The following LYPD2 variants were observed in gnomAD, a reference collection of about 807,000 sequenced individuals.
The protein encoded by LYPD2 is LY6/PLAUR domain containing 2.
Under a neutral mutation model 7.1 loss-of-function variants are expected in LYPD2, and 5 were observed. The ratio of observed to expected loss-of-function variants is 0.70; its 90% CI spans 0.37 to 1.48. The LOEUF (loss-of-function observed/expected upper bound fraction) is 1.48, where lower values mean the gene tolerates loss of function less well. LYPD2 is among the 40% of genes most tolerant of loss of function. The probability of loss-of-function intolerance (pLI) is 0.03; values close to 1 mark genes in which losing one functional copy is unlikely to be tolerated. For missense variants in LYPD2, 177 were observed against 171.0 expected (o/e 1.04, Z -0.20); for synonymous variants, 78 against 82.0 (o/e 0.95, Z 0.26).
chr8:142,750,911 G>A (rs587594704), intron 2 of LYPD2, 140 bp downstream of exon 2: 2 of 1,456,850 alleles, frequency 1.4e-6, no homozygotes, highest in South Asian at 1.3e-5. Flanking sequence ...TGGTGACTGG[G>A]CTGGAGGTGG....
rs778538213 is a variant in LYPD2 at position 142,752,406 on chromosome 8, A to G, written c.46T>C (p.Cys16Arg). Residue 16 changes from cysteine to arginine, a missense_variant, in exon 1 of 3, where the codon TGC becomes CGC. By Grantham distance (180) the Cys-to-Arg change is radical (BLOSUM62 -3). Coordinates refer to ENST00000359228, the MANE Select transcript of LYPD2 (RefSeq NM_205545.3). ...TCCCACACCTCACCCAGCTCTCCGC[A>G]GGCAGCCAGCACCAGCGCCAGGAGC... is the stretch of plus-strand genomic sequence containing the variant. Reference protein sequence around the residue: ...LALLALVLAACGELAPALRCY... With the variant: ...LALLALVLAARGELAPALRCY... 2.3e-5 allele frequency: 37 copies of G among 1,613,242 alleles called. No individual in the cohort carries two copies. Among genetic ancestry groups the G allele is most frequent in the Non-Finnish European group, 3.1e-5 (37 of 1,179,748 alleles).
intron 2 of LYPD2, 48 bp downstream of exon 2, chr8:142,751,003 T>G (rs757334137): frequency 1.2e-6 from 2 of 1,612,268 alleles, no homozygotes; most frequent in Admixed American, 1.7e-5. Flanking sequence ...GGGCTGGAGG[T>G]GGCTCTGACC....
rs1199761204 is a variant in LYPD2 at position 142,752,380 on chromosome 8, G to A, written c.58+14C>T. ...TCCCTCCGTCCCAGCTCCCCTGTGG[G>A]TCCCACACCTCACCCAGCTCTCCGC... is the stretch of plus-strand genomic sequence containing the variant. On this transcript the variant is annotated intron_variant, in intron 1 of 2. Coordinates refer to ENST00000359228, the MANE Select transcript of LYPD2 (RefSeq NM_205545.3). The A allele has an allele frequency of 1.2e-6, 2 of 1,613,174 alleles. No individual in the cohort carries two copies. The highest frequency in any genetic ancestry group is 1.3e-5 in the African/African-American group (1 of 74,872).
Position 142,751,124 on chromosome 8 carries a change from C to T in LYPD2, c.105G>A (p.Ser35=), listed in dbSNP as rs372803897. The change falls in exon 2 of 3, where the codon TCG becomes TCA. Residue 35 remains serine, a synonymous_variant. Transcript: ENST00000359228. Reference sequence around the variant, plus strand: ...TGCAGGTGGCGATGGTGACACAGTCCGACACTCCTGTGGGCTCCGGACAGA... The same window carrying T: ...TGCAGGTGGCGATGGTGACACAGTCTGACACTCCTGTGGGCTCCGGACAGA... The part of the protein sequence containing the change: ...CYVCPEPTGV[S]DCVTIATCTT... The T allele has an allele frequency of 5.6e-5, 90 of 1,614,166 alleles. No individual in the cohort carries two copies. The highest frequency in any genetic ancestry group is 2.0e-4 in the African/African-American group (15 of 75,056).
Position 142,751,151 on chromosome 8 carries a change from G to A in LYPD2, c.78C>T (p.Tyr26=), listed in dbSNP as rs368610242. The A allele has an allele frequency of 8.7e-5, 140 of 1,613,988 alleles. No individual in the cohort carries two copies. Among genetic ancestry groups the A allele is most frequent in the South Asian group, 4.7e-4 (43 of 91,090 alleles). ...CGELAPALRC[Y]VCPEPTGVSD... The stretch of plus-strand genomic sequence containing the variant: ...ACACTCCTGTGGGCTCCGGACAGAC[G>A]TAGCAGCGCAGGGCCGGCGCTGGGG... The change falls in exon 2 of 3, where the codon TAC becomes TAT. Residue 26 remains tyrosine, a synonymous_variant. Transcript: ENST00000359228.
At chr8:142,751,699 C>T (rs181807337) in intron 1 of LYPD2, among the ~76,000 whole-genome samples, 10 of 152,140 alleles carry the variant, frequency 6.6e-5, no homozygotes, top group Admixed American at 2.0e-4. Context: ...GGACGGGGAC[C>T]GGAGAGGCTC....
At position 142,750,352 on chromosome 8, in the gene LYPD2, C is replaced by T. The variant is rs1163374786; in HGVS notation, c.309G>A (p.Gly103=). 4 of 1,559,794 alleles carry T rather than the reference C, an allele frequency of 2.6e-6. No homozygotes were observed. In the East Asian group the frequency reaches 7.2e-5, roughly 28 times the overall value. ...AGTGGAGGCTGTTCAGAGCGGGCGC[C>T]CCGTCTACATTGCACAGCTCAGTAT... ...CCNTELCNVD[G]APALNSLHCG... is the part of the protein sequence containing the mutation. Residue 103 remains glycine (G), a synonymous_variant, in exon 3 of 3, where the codon GGG becomes GGA. Transcript: ENST00000359228.
rs751446640 is a variant in LYPD2 at position 142,751,159 on chromosome 8, G to A, written c.70C>T (p.Arg24Cys). ...AACGELAPALRCYVCPEPTGV... is the reference protein window; with the variant it reads ...AACGELAPALCCYVCPEPTGV... ...GTGGGCTCCGGACAGACGTAGCAGCGCAGGGCCGGCGCTGGGGAGAAGGGA... is the reference window on the plus strand; with the variant it reads ...GTGGGCTCCGGACAGACGTAGCAGCACAGGGCCGGCGCTGGGGAGAAGGGA... Residue 24 changes from arginine (R) to cysteine (C), a missense_variant, in exon 2 of 3, where the codon CGC becomes TGC. Coordinates refer to ENST00000359228, the MANE Select transcript of LYPD2 (RefSeq NM_205545.3). The A allele has an allele frequency of 5.0e-6, 8 of 1,613,874 alleles. No homozygotes were observed. The highest frequency in any genetic ancestry group is 3.3e-5 in the Admixed American group (2 of 60,006).
At chr8:142,750,936 C>T in intron 2 of LYPD2, 115 bp downstream of exon 2, 1 of 1,551,236 alleles carries the variant, frequency 6.4e-7, no homozygotes, top group Non-Finnish European at 8.7e-7. Flanking sequence ...GACCGGGAAC[C>T]CAGCCCTGCC....
In LYPD2 at chr8:142,750,275, C is replaced by CCGATTGGGGCCTGGGGGGGGGGG; in HGVS notation, c.*7_*8insCCCCCCCCCCCAGGCCCCAATCG. On this transcript the variant is annotated 3_prime_UTR_variant, in exon 3 of 3. Coordinates refer to ENST00000359228, the MANE Select transcript of LYPD2 (RefSeq NM_205545.3). ...GGCCGCATAGGGCCATGGGGGTGGG[C>CCGATTGGGGCCTGGGGGGGGGGG]GGGGACTCTACAGTCGGAGGCTCAA... 7.3e-7 allele frequency: 1 copy of CCGATTGGGGCCTGGGGGGGGGGG among 1,378,818 alleles called. No homozygotes were observed. The allele number at this position is 1,378,818 out of a possible 1,614,324, so 85.4% of individuals were successfully genotyped here. A position where few individuals can be genotyped will look rare whatever the true frequency, so the allele number is the denominator to read the frequency against.
At position 142,751,041 on chromosome 8, in the gene LYPD2, G is replaced by A; in HGVS notation, c.178+10C>T. The A allele has an allele frequency of 1.9e-6, 3 of 1,614,080 alleles. No individual in the cohort carries two copies. The highest frequency in any genetic ancestry group is 2.5e-6 in the Non-Finnish European group (3 of 1,179,990). On this transcript the variant is annotated intron_variant, in intron 2 of 2. Transcript: ENST00000359228. ...GAACCCGGCCCTGCCCGCCTTCTGTGCCCACTGACCTATCTCCCGGGAGTA... is the reference window on the plus strand; with the variant it reads ...GAACCCGGCCCTGCCCGCCTTCTGTACCCACTGACCTATCTCCCGGGAGTA...
In LYPD2 at chr8:142,751,114, T is replaced by C; in HGVS notation, c.115A>G (p.Thr39Ala). 3 of 1,614,150 alleles carry C rather than the reference T, an allele frequency of 1.9e-6. No homozygotes were observed. Among genetic ancestry groups the C allele is most frequent in the Non-Finnish European group, 2.5e-6 (3 of 1,180,002 alleles). The change falls in exon 2 of 3, where the codon ACC (threonine) becomes GCC (alanine). Residue 39 changes from threonine (T) to alanine (A), a missense_variant. Transcript: ENST00000359228. ...PEPTGVSDCV[T>A]IATCTTNETM... Reference sequence around the variant, plus strand: ...TCGTTGGTGGTGCAGGTGGCGATGGTGACACAGTCCGACACTCCTGTGGGC... The same window carrying C: ...TCGTTGGTGGTGCAGGTGGCGATGGCGACACAGTCCGACACTCCTGTGGGC...
At position 142,750,290 on chromosome 8, in the gene LYPD2, C is replaced by T. The variant is rs372263035; in HGVS notation, c.371G>A (p.Arg124Gln). The T allele has an allele frequency of 2.7e-5, 42 of 1,551,402 alleles. No homozygotes were observed. Among genetic ancestry groups the T allele is most frequent in the Non-Finnish European group, 3.5e-5 (40 of 1,147,406 alleles). ...ALTLLPLLSL[R>Q]L ...TGGGGGTGGGCGGGGACTCTACAGT[C>T]GGAGGCTCAAGAGTGGGAGGAGCGT... The change falls in exon 3 of 3, where the codon CGA becomes CAA. Residue 124 changes from arginine (R) to glutamine (Q), a missense_variant. Arg to Gln is a conservative substitution (Grantham distance 43). Transcript: ENST00000359228.
chr8:142,750,314 G>C lies in LYPD2; in HGVS notation c.347C>G (p.Thr116Arg). ...ALNSLHCGAL[T>R]LLPLLSLRL is the part of the protein sequence containing the mutation. ...TCGGAGGCTCAAGAGTGGGAGGAGCGTGAGGGCCCCGCAGTGGAGGCTGTT... is the reference window on the plus strand; with the variant it reads ...TCGGAGGCTCAAGAGTGGGAGGAGCCTGAGGGCCCCGCAGTGGAGGCTGTT... Residue 116 changes from threonine (T) to arginine (R), a missense_variant, in exon 3 of 3, where the codon ACG becomes AGG. By Grantham distance (71) the Thr-to-Arg change is moderately conservative. Coordinates refer to ENST00000359228, the MANE Select transcript of LYPD2 (RefSeq NM_205545.3). The C allele has an allele frequency of 6.4e-7, 1 of 1,553,648 alleles. No individual in the cohort carries two copies.
rs1206588403 is a variant in LYPD2 at position 142,750,378 on chromosome 8, T to G, written c.283A>C (p.Asn95His). The G allele has an allele frequency of 2.5e-6, 4 of 1,571,088 alleles. No homozygotes were observed. The highest frequency in any genetic ancestry group is 1.4e-5 in the African/African-American group (1 of 73,894). Residue 95 changes from asparagine (N) to histidine (H), a missense_variant, in exon 3 of 3, where the codon AAT (asparagine) becomes CAT (histidine). Asn to His is a moderately conservative substitution (Grantham distance 68). Coordinates refer to ENST00000359228, the MANE Select transcript of LYPD2 (RefSeq NM_205545.3). ...IGQTLPVSCC[N>H]TELCNVDGAP... ...CCGTCTACATTGCACAGCTCAGTAT[T>G]GCAGCAGGACACGGGCAGGGTCTGG...
At chr8:142,751,512 CT>C (rs910762741) in intron 1 of LYPD2, among the ~76,000 whole-genome samples, 1 of 152,194 alleles carries the variant, frequency 6.6e-6, no homozygotes, top group Non-Finnish European at 1.5e-5. Context: ...GGCAGGAAGC[CT>C]TGGGTGGGGG....
Position 142,752,420 on chromosome 8 carries a change from A to AGG in LYPD2, c.31_32insCC (p.Leu11ProfsTer50). 1 of 1,613,266 alleles carries AGG rather than the reference A, an allele frequency of 6.2e-7. No homozygotes were observed. Among genetic ancestry groups the AGG allele is most frequent in the Non-Finnish European group, 8.5e-7 (1 of 1,179,754 alleles). On this transcript the variant is annotated frameshift_variant, in exon 1 of 3. Transcript: ENST00000359228. LOFTEE classifies it high-confidence loss of function. ...CAGCTCTCCGCAGGCAGCCAGCACC[A>AGG]GCGCCAGGAGCGCCAGCCGCGTCCC...
chr8:142,751,239 G>A, intron 1 of LYPD2, 69 bp from the exon 2 acceptor site: 1 of 1,592,050 alleles, frequency 6.3e-7, no homozygotes, highest in South Asian at 1.1e-5. Flanking sequence ...GTCTGTCCTG[G>A]AAGCCCAGGT....
In LYPD2 at chr8:142,752,467, C is replaced by T. The variant is rs377371250; in HGVS notation, c.-16G>A. On this transcript the variant is annotated 5_prime_UTR_variant, in exon 1 of 3. Coordinates refer to ENST00000359228, the MANE Select transcript of LYPD2 (RefSeq NM_205545.3). ...TCCCCCGCATGGTCCCGGCCCACTC[C>T]TCTGTGCTCTCACCCCAGGCTTGCC... 4.2e-5 allele frequency: 67 copies of T among 1,612,826 alleles called. No individual in the cohort carries two copies. The highest frequency in any genetic ancestry group is 5.5e-5 in the South Asian group (5 of 91,042).
Sources: gnomAD v4.1 joint callset for allele counts (sites outside exome capture counted in the v4.1 genomes callset) on GRCh38, gnomAD v4.1.1 for gene constraint, MANE v1.5 for transcripts, NCBI Gene and HGNC (gene_info 2026-07-23, HGNC 2026-07-21) for gene names.